COL4A1: variants seen among roughly 807,000 people sequenced by gnomAD.
The protein encoded by COL4A1 is collagen type IV alpha 1 chain.
COL4A1 carries 40 observed loss-of-function variants against 216.6 expected under a neutral mutation model. The observed-to-expected ratio is 0.18, with a 90% CI of 0.14 to 0.24. The LOEUF (loss-of-function observed/expected upper bound fraction) is 0.24. Among genes scored for constraint, COL4A1 ranks in the 10% least tolerant of loss-of-function variants. The pLI, the probability that COL4A1 is intolerant of heterozygous loss-of-function variation, is 1.00. For missense variants in COL4A1, 1,628 were observed against 2,196.8 expected (o/e 0.74, Z 5.18); for synonymous variants, 839 against 810.7 (o/e 1.03, Z -0.59).
intron 2 of COL4A1, among the ~76,000 whole-genome samples, chr13:110,219,846 GTA>G (rs879821916): frequency 0.17 from 16,202 of 93,042 alleles, 1,231 homozygotes; most frequent in Middle Eastern, 0.24. Context: ...GTATATATGT[GTA>G]TATATATGTA....
intron 1 of COL4A1, among the ~76,000 whole-genome samples, chr13:110,254,199 G>A (rs1427341873): frequency 1.3e-5 from 2 of 152,196 alleles, no homozygotes; most frequent in Non-Finnish European, 2.9e-5. Flanking sequence ...GCCAACAGCT[G>A]CTGTCTATCC....
intron 1 of COL4A1, among the ~76,000 whole-genome samples, chr13:110,255,213 C>T (rs1403225925): frequency 6.6e-6 from 1 of 152,186 alleles, no homozygotes; most frequent in African/African-American, 2.4e-5. Context: ...AAGTGTTTTC[C>T]ACCTCATTTT....
intron 1 of COL4A1, among the ~76,000 whole-genome samples, chr13:110,278,015 C>T (rs1198523651): frequency 2.0e-5 from 3 of 152,242 alleles, no homozygotes; most frequent in Non-Finnish European, 4.4e-5. Flanking sequence ...CAAAATGATC[C>T]CAAATGGAAC....
At chr13:110,177,128 T>A in intron 33 of COL4A1, 91 bp from the exon 34 acceptor site, 1 of 1,584,254 alleles carries the variant, frequency 6.3e-7, no homozygotes, top group Admixed American at 1.8e-5. Context: ...GGACAGCAGC[T>A]GGCAAAAAGG....
At chr13:110,209,368 AC>A in intron 11 of COL4A1, 23 bp downstream of exon 11, 1 of 1,610,324 alleles carries the variant, frequency 6.2e-7, no homozygotes, top group Non-Finnish European at 8.5e-7. Flanking sequence ...ATGCCAAAGA[AC>A]AAAAAATGAA....
At chr13:110,300,312 G>A (rs529838084) in intron 1 of COL4A1, among the ~76,000 whole-genome samples, 67 of 152,296 alleles carry the variant, frequency 4.4e-4, no homozygotes, top group African/African-American at 1.5e-3. Flanking sequence ...TCCTCTGAAC[G>A]TGCATCATCT....
At chr13:110,276,528 A>T (rs1223770668) in intron 1 of COL4A1, among the ~76,000 whole-genome samples, 2 of 152,168 alleles carry the variant, frequency 1.3e-5, no homozygotes, top group African/African-American at 4.8e-5. Context: ...GGAGGGTTCC[A>T]AATTTTTGTA....
In COL4A1 at chr13:110,198,647, A is replaced by G. The variant is rs1879020146; in HGVS notation, c.1121-16T>C. 6.2e-7 allele frequency: 1 copy of G among 1,613,868 alleles called. No homozygotes were observed. Among genetic ancestry groups the G allele is most frequent in the East Asian group, 2.2e-5 (1 of 44,878 alleles). On this transcript the variant is annotated splice_polypyrimidine_tract_variant and intron_variant, in intron 20 of 51. Coordinates refer to ENST00000375820, the MANE Select transcript of COL4A1 (RefSeq NM_001845.6). ...ACAGGGAGGCCTGCAACCAGACAGAAGCTCACATCAGTAACCTCAGGGCCA... is the reference window on the plus strand; with the variant it reads ...ACAGGGAGGCCTGCAACCAGACAGAGGCTCACATCAGTAACCTCAGGGCCA...
At chr13:110,179,580 C>A (rs1364083985) in intron 29 of COL4A1, among the ~76,000 whole-genome samples, 159 bp from the exon 30 acceptor site, 1 of 152,180 alleles carries the variant, frequency 6.6e-6, no homozygotes, top group Non-Finnish European at 1.5e-5. Context: ...CTTCCTCATA[C>A]CTATTATATC....
intron 18 of COL4A1, among the ~76,000 whole-genome samples, chr13:110,202,820 G>T (rs959900342): frequency 6.6e-6 from 1 of 152,192 alleles, no homozygotes; most frequent in Non-Finnish European, 1.5e-5. Flanking sequence ...GTAGTAAAAT[G>T]TTATTTGCAA....
At position 110,174,625 on chromosome 13, in the gene COL4A1, G is replaced by A. The variant is rs762907773; in HGVS notation, c.3323C>T (p.Pro1108Leu). The A allele has an allele frequency of 1.9e-6, 3 of 1,613,976 alleles. No homozygotes were observed. The highest frequency in any genetic ancestry group is 2.2e-5 in the South Asian group (2 of 91,080). Residue 1108 changes from proline to leucine, a missense_variant and splice_region_variant, in exon 38 of 52, where the codon CCA (proline) becomes CTA (leucine). By Grantham distance (98) the Pro-to-Leu change is moderately conservative. Around this residue, in one of 8 missense-constraint regions of COL4A1, gnomAD observed 345 missense variants for 476.9 expected, o/e 0.72. Coordinates refer to ENST00000375820, the MANE Select transcript of COL4A1 (RefSeq NM_001845.6). ...LKGSPGSVGY[P>L]GSPGLPGEKG... Reference sequence around the variant, plus strand: ...CAAGAGAAGCCCCCCTCACCTACCTGGATAGCCAACACTCCCGGGAGACCC... The same window carrying A: ...CAAGAGAAGCCCCCCTCACCTACCTAGATAGCCAACACTCCCGGGAGACCC...
intron 1 of COL4A1, among the ~76,000 whole-genome samples, chr13:110,247,815 G>GTGTA (rs1881890116): frequency 7.6e-6 from 1 of 131,258 alleles, no homozygotes; most frequent in Admixed American, 7.6e-5. Context: ...GTGTGTGTGT[G>GTGTA]TGTGTGTGTG....
rs1555307864 is a variant in COL4A1 at position 110,219,682 on chromosome 13, A to ATATATGTATATATG, written c.145-5668_145-5667insCATATATACATATA. Among the ~76,000 whole-genome samples, 299 of 133,694 alleles carry ATATATGTATATATG rather than the reference A, an allele frequency of 2.2e-3. 7 individuals carry two copies. Among genetic ancestry groups the ATATATGTATATATG allele is most frequent in the African/African-American group, 8.2e-3 (283 of 34,364 alleles). The allele number at this position is 133,694 out of a possible 152,430, so 87.7% of individuals were successfully genotyped here. A position where few individuals can be genotyped will look rare whatever the true frequency, so the allele number is the denominator to read the frequency against. ...TATATGTATATATATATATATGTGTATATATATGTATATATATGTATATAC... is the reference window on the plus strand; with the variant it reads ...TATATGTATATATATATATATGTGTATATATGTATATATGTATATATGTATATATATGTATATAC... On this transcript the variant is annotated intron_variant, in intron 2 of 51. Transcript: ENST00000375820.
intron 2 of COL4A1, among the ~76,000 whole-genome samples, chr13:110,227,899 G>A (rs1273035694): frequency 6.6e-6 from 1 of 152,216 alleles, no homozygotes; most frequent in African/African-American, 2.4e-5. Flanking sequence ...GGGTCTCCGG[G>A]GAGGCCCGCT....
At chr13:110,201,695 A>C in intron 18 of COL4A1, 173 bp from the exon 19 acceptor site, 1 of 764,550 alleles carries the variant, frequency 1.3e-6, no homozygotes, top group Non-Finnish European at 2.4e-6. Context: ...TCTAAAACAT[A>C]TGGGACAGGC....
intron 43 of COL4A1, among the ~76,000 whole-genome samples, chr13:110,167,825 A>G (rs1249333887): frequency 6.6e-6 from 1 of 152,168 alleles, no homozygotes; most frequent in Non-Finnish European, 1.5e-5. Context: ...CAAGTCGTGG[A>G]CAGCAACATG....
Position 110,161,112 on chromosome 13 carries a change from A to C in COL4A1, c.4640+80T>G, listed in dbSNP as rs566588222. ...GCAATGGATTCAACGTTTTGGAGAA[A>C]AATAGAAAACATATGCTTGTCCAGA... On this transcript the variant is annotated intron_variant, in intron 49 of 51. Transcript: ENST00000375820. 16 of 1,468,726 alleles carry C rather than the reference A, an allele frequency of 1.1e-5. No individual in the cohort carries two copies. The East Asian group carries it at 2.5e-4, about 23-fold the overall frequency. 91.0% of individuals were successfully genotyped at this position (1,468,726 alleles called of 1,614,324 possible).
chr13:110,257,082 T>C (rs1882610570), intron 1 of COL4A1, among the ~76,000 whole-genome samples: 1 of 152,200 alleles, frequency 6.6e-6, no homozygotes, highest in Admixed American at 6.5e-5. Context: ...ATACTACTTA[T>C]AAAAGATAGA....
At chr13:110,229,334 C>A (rs1463585592) in intron 2 of COL4A1, among the ~76,000 whole-genome samples, 2 of 152,214 alleles carry the variant, frequency 1.3e-5, no homozygotes, top group African/African-American at 2.4e-5. Context: ...AGGACACTAA[C>A]ATTTAGAAGG....
Sources: allele counts gnomAD v4.1 joint callset (sites outside exome capture counted in the v4.1 genomes callset), GRCh38; gene constraint gnomAD v4.1.1; regional missense constraint gnomAD v4.1.1; transcripts MANE v1.5; gene names NCBI Gene and HGNC (gene_info 2026-07-23, HGNC 2026-07-21).